Variants in GNAQ observed in about 807,000 individuals in gnomAD.
The protein encoded by GNAQ is guanine nucleotide-binding protein G(q) subunit alpha.
A neutral mutation model predicts 43.9 loss-of-function variants in GNAQ; 8 were observed. The observed-to-expected ratio is 0.18, with a 90% confidence interval of 0.11 to 0.33. GNAQ has a LOEUF of 0.33. GNAQ is among the 10% of genes least tolerant of loss of function. The pLI, the probability that GNAQ is intolerant of heterozygous loss-of-function variation, is 1.00. For missense variants in GNAQ, 158 were observed against 450.8 expected, an observed-to-expected ratio of 0.35 and a Z score of 5.88; for synonymous variants, 155 against 170.7, an observed-to-expected ratio of 0.91 and a Z score of 0.71.
chr9:77,755,638 A>G lies in GNAQ; in HGVS notation c.736-26971T>C, dbSNP rs547186140. On this transcript the variant is annotated intron_variant, in intron 5 of 6. Coordinates refer to ENST00000286548, the MANE Select transcript of GNAQ (RefSeq NM_002072.5). Reference sequence around the variant, plus strand: ...TTTCCTTTTTCCTTTATCATGTGACATAAGATTTATTGACTTCATAACAGC... The same window carrying G: ...TTTCCTTTTTCCTTTATCATGTGACGTAAGATTTATTGACTTCATAACAGC... Among the ~76,000 whole-genome samples the G allele has an allele frequency of 7.9e-5, 12 of 152,316 alleles. No homozygotes were observed. In the South Asian group the frequency reaches 1.2e-3, roughly 16 times the overall value.
chr9:77,904,135 A>G (rs965686225), intron 2 of GNAQ, among the ~76,000 whole-genome samples: 5 of 152,234 alleles, frequency 3.3e-5, no homozygotes, highest in African/African-American at 1.2e-4. Context: ...TTGCTAGAGC[A>G]AGTGTGTGGA....
At chr9:77,746,836 C>A (rs767392082) in intron 5 of GNAQ, among the ~76,000 whole-genome samples, 1 of 152,048 alleles carries the variant, frequency 6.6e-6, no homozygotes, top group Admixed American at 6.5e-5. Flanking sequence ...TTTTGAGACA[C>A]GAAGACAATA....
chr9:77,870,752 T>A (rs1587377068), intron 2 of GNAQ, among the ~76,000 whole-genome samples: 1 of 152,002 alleles, frequency 6.6e-6, no homozygotes, highest in Non-Finnish European at 1.5e-5. Context: ...ATGGATAAAC[T>A]GTGGTACATT....
At chr9:78,020,001 C>T (rs901275522) in intron 1 of GNAQ, among the ~76,000 whole-genome samples, 2 of 151,526 alleles carry the variant, frequency 1.3e-5, no homozygotes, top group Admixed American at 6.6e-5. Flanking sequence ...TGCTCTTAGG[C>T]TTGGATGTAA....
intron 1 of GNAQ, among the ~76,000 whole-genome samples, chr9:78,016,607 G>A (rs1249210547): frequency 2.0e-5 from 3 of 151,998 alleles, no homozygotes; most frequent in Non-Finnish European, 4.4e-5. Flanking sequence ...GATTGAACCC[G>A]GGAGGCGGAG....
At chr9:78,011,507 A>T (rs1823772332) in intron 1 of GNAQ, among the ~76,000 whole-genome samples, 1 of 152,254 alleles carries the variant, frequency 6.6e-6, no homozygotes, top group Non-Finnish European at 1.5e-5. Flanking sequence ...ATTGCTTTGC[A>T]CTATATCAAG....
chr9:77,946,755 T>C (rs1459014803), intron 1 of GNAQ, among the ~76,000 whole-genome samples: 2 of 152,256 alleles, frequency 1.3e-5, no homozygotes, highest in African/African-American at 2.4e-5. Flanking sequence ...CAGTAACACA[T>C]GGGTTAAAGC....
At chr9:77,806,142 G>A (rs1390941463) in intron 3 of GNAQ, among the ~76,000 whole-genome samples, 2 of 152,196 alleles carry the variant, frequency 1.3e-5, no homozygotes, top group Non-Finnish European at 2.9e-5. Context: ...ATAGCAATGA[G>A]AGAGAAAGAG....
intron 5 of GNAQ, among the ~76,000 whole-genome samples, chr9:77,767,415 G>C (rs1012148124): frequency 8.5e-5 from 13 of 152,120 alleles, no homozygotes; most frequent in African/African-American, 2.9e-4. Flanking sequence ...GAGAACCACT[G>C]CTCTGAACAT....
chr9:77,851,437 A>G (rs1827675015), intron 2 of GNAQ, among the ~76,000 whole-genome samples: 1 of 152,168 alleles, frequency 6.6e-6, no homozygotes. Flanking sequence ...AAGAGCCAAA[A>G]TCTGTGGCTC....
intron 1 of GNAQ, among the ~76,000 whole-genome samples, chr9:78,030,874 CGTGTGTGTGTCGCT>C (rs1266191766): frequency 5.6e-4 from 82 of 146,422 alleles, no homozygotes; most frequent in African/African-American, 1.9e-3. Flanking sequence ...CCCTGTGCTG[CGTGTGTGTGTCGCT>C]GTGTGTGTGT....
intron 1 of GNAQ, among the ~76,000 whole-genome samples, chr9:77,993,560 G>A (rs1463859360): frequency 6.6e-6 from 1 of 152,010 alleles, no homozygotes; most frequent in African/African-American, 2.4e-5. Context: ...AAAGGAGCCA[G>A]GCATGGTGAC....
chr9:77,800,557 A>G (rs1826726695), intron 3 of GNAQ, among the ~76,000 whole-genome samples: 1 of 151,910 alleles, frequency 6.6e-6, no homozygotes, highest in African/African-American at 2.4e-5. Flanking sequence ...GGAACATCAC[A>G]CTCTGGGGAC....
intron 6 of GNAQ, among the ~76,000 whole-genome samples, chr9:77,725,222 T>C (rs775564538): frequency 1.3e-5 from 2 of 152,146 alleles, no homozygotes; most frequent in Non-Finnish European, 2.9e-5. Context: ...ATTACAGCCA[T>C]CACAGCAGGA....
chr9:77,744,981 G>A (rs918218712), intron 5 of GNAQ, among the ~76,000 whole-genome samples: 3 of 152,094 alleles, frequency 2.0e-5, no homozygotes, highest in African/African-American at 4.8e-5. Context: ...ATATGGTATC[G>A]GCAGTGAACC....
At chr9:77,773,459 AATG>A (rs1312178590) in intron 5 of GNAQ, among the ~76,000 whole-genome samples, 4 of 152,256 alleles carry the variant, frequency 2.6e-5, no homozygotes, top group African/African-American at 9.6e-5. Context: ...CTTTAAGAGT[AATG>A]ATATCCTCAT....
At chr9:77,984,636 T>A (rs1284442416) in intron 1 of GNAQ, among the ~76,000 whole-genome samples, 1 of 152,126 alleles carries the variant, frequency 6.6e-6, no homozygotes, top group African/African-American at 2.4e-5. Flanking sequence ...TTTAAAACAT[T>A]CTCTTTTAAA....
chr9:77,817,844 G>A (rs552822909), intron 2 of GNAQ, among the ~76,000 whole-genome samples: 4 of 152,230 alleles, frequency 2.6e-5, no homozygotes, highest in Middle Eastern at 3.4e-3. Context: ...GAGGTCAAAC[G>A]AGGTGTCAGA....
At chr9:77,759,972 CT>C (rs1291482939) in intron 5 of GNAQ, among the ~76,000 whole-genome samples, 2 of 146,554 alleles carry the variant, frequency 1.4e-5, no homozygotes, top group East Asian at 4.0e-4. Flanking sequence ...GTTGCCCAGG[CT>C]GGTCTCAAAC....
Sources: gnomAD v4.1 joint callset for allele counts (sites outside exome capture counted in the v4.1 genomes callset) on GRCh38, gnomAD v4.1.1 for gene constraint, MANE v1.5 for transcripts, NCBI Gene and HGNC (gene_info 2026-07-23, HGNC 2026-07-21) for gene names.